Variants in CUBN observed in about 807,000 individuals in gnomAD.
The protein encoded by CUBN is 460 kDa receptor.
CUBN carries 282 observed loss-of-function variants against 405.3 expected under a neutral mutation model. The ratio of observed to expected loss-of-function variants is 0.70; its 90% CI spans 0.63 to 0.77. CUBN has a LOEUF of 0.77. Ranked by LOEUF, CUBN falls within the 30% of genes least tolerant of loss-of-function variation. The pLI is 0.00. For synonymous variants in CUBN, 1,684 were observed against 1,617.0 expected (o/e 1.04, Z -0.99); for missense variants, 4,514 against 4,475.2 (o/e 1.01, Z -0.25).
intron 62 of CUBN, among the ~76,000 whole-genome samples, chr10:16,836,725 CT>C (rs1839180881): frequency 6.6e-6 from 1 of 152,224 alleles, no homozygotes; most frequent in South Asian, 2.1e-4. Context: ...ATCTCTCCTC[CT>C]GGGGCTTTTG....
At chr10:16,908,971 T>C (rs1051854596) in intron 48 of CUBN, among the ~76,000 whole-genome samples, 3 of 149,124 alleles carry the variant, frequency 2.0e-5, no homozygotes, top group East Asian at 2.0e-4. Context: ...CAAGCTCCGC[T>C]TCCCGGGTTC....
intron 22 of CUBN, among the ~76,000 whole-genome samples, chr10:17,056,309 A>C (rs1464054736): frequency 6.6e-6 from 1 of 152,130 alleles, no homozygotes; most frequent in Non-Finnish European, 1.5e-5. Flanking sequence ...AAAATCTCAA[A>C]CTATAAAACT....
rs1445941509 is a variant in CUBN, at chr10:16,933,170, T to A, written c.6041A>T (p.Asp2014Val). The A allele has an allele frequency of 6.2e-7, 1 of 1,613,704 alleles. No individual in the cohort carries two copies. The highest frequency in any genetic ancestry group is 8.5e-7 in the Non-Finnish European group (1 of 1,179,948). Residue 2014 changes from aspartate to valine, a missense_variant, in exon 40 of 67, where the codon GAC becomes GTC. Asp to Val is a radical substitution (Grantham distance 152, BLOSUM62 -3). Around this residue, in one of 5 missense-constraint regions of CUBN, gnomAD observed 1,613 missense variants for 1,542.8 expected, o/e 1.05. Coordinates refer to ENST00000377833, the MANE Select transcript of CUBN (RefSeq NM_001081.4). Reference protein sequence around the residue: ...VDCTWLIQAPDSTVELNILSL... With the variant: ...VDCTWLIQAPVSTVELNILSL... Reference sequence around the variant, plus strand: ...AAGAATGTTGAGTTCCACGGTAGAGTCGGGAGCCTGGATGAGCCACGTACA... The same window carrying A: ...AAGAATGTTGAGTTCCACGGTAGAGACGGGAGCCTGGATGAGCCACGTACA...
chr10:16,997,660 G>C (rs544692230), intron 28 of CUBN, among the ~76,000 whole-genome samples: 25 of 152,282 alleles, frequency 1.6e-4, no homozygotes, highest in African/African-American at 5.8e-4. Context: ...CAAGGATTTT[G>C]AACAGAAACT....
Position 16,940,147 on chromosome 10 carries a change from G to A in CUBN, c.5433C>T (p.Tyr1811=), listed in dbSNP as rs1474888703. Residue 1811 remains tyrosine (Y), a synonymous_variant, in exon 37 of 67, where the codon TAC becomes TAT. Transcript: ENST00000377833. ...AATTGAGAGGGAAGGAGTTTCCACA[G>A]TATCGTCCCACCAAGTGACCCGTGG... ...GNATGHLVGR[Y]CGNSFPLNYS... is the part of the protein sequence containing the mutation. The A allele has an allele frequency of 1.2e-6, 2 of 1,614,092 alleles. No individual in the cohort carries two copies. The highest frequency in any genetic ancestry group is 8.5e-7 in the Non-Finnish European group (1 of 1,179,944).
intron 17 of CUBN, among the ~76,000 whole-genome samples, chr10:17,074,499 C>T (rs925711512): frequency 1.3e-5 from 2 of 152,124 alleles, no homozygotes; most frequent in Admixed American, 6.6e-5. Context: ...TATAAAATCT[C>T]GCTCTATTTT....
chr10:16,999,922 G>A (rs1833833415), intron 28 of CUBN, among the ~76,000 whole-genome samples: 2 of 152,084 alleles, frequency 1.3e-5, no homozygotes, highest in African/African-American at 2.4e-5. Flanking sequence ...GACTCCACCC[G>A]GAGAAATGGA....
chr10:17,110,805 G>A, intron 9 of CUBN, 114 bp downstream of exon 9: 1 of 1,492,304 alleles, frequency 6.7e-7, no homozygotes, highest in East Asian at 2.3e-5. Flanking sequence ...TTACAGGCAT[G>A]AGCAACTGCA....
At chr10:16,905,238 G>A (rs1418663447) in intron 50 of CUBN, among the ~76,000 whole-genome samples, 3 of 152,180 alleles carry the variant, frequency 2.0e-5, no homozygotes, top group South Asian at 2.1e-4. Flanking sequence ...TGAGAAAAAC[G>A]TGTCAGCATA....
intron 58 of CUBN, among the ~76,000 whole-genome samples, chr10:16,873,665 T>A (rs1840420891): frequency 6.8e-6 from 1 of 146,088 alleles, no homozygotes; most frequent in Admixed American, 7.2e-5. Flanking sequence ...GAGGTTGCAG[T>A]GAGCCGAGAT....
chr10:17,120,749 C>T (rs188998296), intron 6 of CUBN, among the ~76,000 whole-genome samples: 9 of 152,282 alleles, frequency 5.9e-5, no homozygotes, highest in East Asian at 1.9e-4. Context: ...GAAGAAATAA[C>T]GTGCTGAAAA....
intron 64 of CUBN, among the ~76,000 whole-genome samples, chr10:16,833,108 T>A (rs1310734494): frequency 1.3e-5 from 2 of 152,170 alleles, no homozygotes; most frequent in Non-Finnish European, 2.9e-5. Context: ...ATGGCAAACG[T>A]TGACTCTGAT....
At chr10:16,920,356 C>A (rs1039145729) in intron 43 of CUBN, among the ~76,000 whole-genome samples, 1 of 152,156 alleles carries the variant, frequency 6.6e-6, no homozygotes, top group South Asian at 2.1e-4. Context: ...TTTATCTATT[C>A]TCATTGGAAA....
Position 16,937,759 on chromosome 10 carries a change from G to C in CUBN, c.5759C>G (p.Ala1920Gly), listed in dbSNP as rs1198842106. The C allele has an allele frequency of 6.2e-7, 1 of 1,614,018 alleles. No homozygotes were observed. Among genetic ancestry groups the C allele is most frequent in the African/African-American group, 1.3e-5 (1 of 75,012 alleles). ...LRIYDGPSIH[A>G]RLIGAYCGTQ... is the part of the protein sequence containing the mutation. The stretch of plus-strand genomic sequence containing the variant: ...ACCACAGTAAGCTCCAATTAGGCGG[G>C]CGTGAATGCTAGGCCCATCATAGAT... The change falls in exon 39 of 67, where the codon GCC becomes GGC. Residue 1920 changes from alanine (A) to glycine (G), a missense_variant. Ala to Gly is a moderately conservative substitution (Grantham distance 60). This residue lies in a region of CUBN where 1,613 missense variants were observed against 1,542.8 expected (regional missense o/e 1.05). Coordinates refer to ENST00000377833, the MANE Select transcript of CUBN (RefSeq NM_001081.4).
chr10:16,893,614 C>T (rs1340448337), intron 54 of CUBN, among the ~76,000 whole-genome samples: 2 of 152,160 alleles, frequency 1.3e-5, no homozygotes, highest in Admixed American at 1.3e-4. Flanking sequence ...ATAAATGGAA[C>T]AGCAGAGTAT....
chr10:17,036,639 G>T (rs1376273349), intron 27 of CUBN, among the ~76,000 whole-genome samples: 2 of 152,034 alleles, frequency 1.3e-5, no homozygotes, highest in Non-Finnish European at 2.9e-5. Context: ...CTTCCAAGAT[G>T]GGGAAAGATT....
intron 31 of CUBN, among the ~76,000 whole-genome samples, chr10:16,975,740 C>T (rs564497808): frequency 6.7e-4 from 99 of 147,974 alleles, no homozygotes; most frequent in African/African-American, 2.3e-3. Flanking sequence ...AAGCGATTCT[C>T]ATGCCTCAGC....
Position 17,111,014 on chromosome 10 carries a change from T to C in CUBN, c.920A>G (p.Asn307Ser). 4 of 1,614,200 alleles carry C rather than the reference T, an allele frequency of 2.5e-6. No individual in the cohort carries two copies. The highest frequency in any genetic ancestry group is 3.4e-6 in the Non-Finnish European group (4 of 1,180,022). Residue 307 changes from asparagine to serine, a missense_variant, in exon 9 of 67, where the codon AAT (asparagine) becomes AGT (serine). Asn to Ser is a conservative substitution (Grantham distance 46). Coordinates refer to ENST00000377833, the MANE Select transcript of CUBN (RefSeq NM_001081.4). ...GCCGCCGTTATTTATCTCACATTCA[T>C]TGATATCTTCGCAAATATATCCATT... ...QGNGYICEDI[N>S]ECEINNGGCS... is the part of the protein sequence containing the mutation.
chr10:16,953,391 C>A (rs11254296), intron 32 of CUBN, among the ~76,000 whole-genome samples: 9,671 of 152,236 alleles, frequency 0.064, 386 homozygotes, highest in Non-Finnish European at 0.088. Context: ...GCACTGTCCC[C>A]ATCCAGAGCT....
Sources: gnomAD v4.1 joint callset for allele counts (sites outside exome capture counted in the v4.1 genomes callset) on GRCh38, gnomAD v4.1.1 for gene constraint, gnomAD v4.1.1 regional missense constraint, MANE v1.5 for transcripts, NCBI Gene and HGNC (gene_info 2026-07-23, HGNC 2026-07-21) for gene names.